The following VTCN1 variants were observed in gnomAD, a reference collection of about 807,000 sequenced individuals.
VTCN1 encodes V-set domain-containing T-cell activation inhibitor 1.
In VTCN1, 26 loss-of-function variants were observed where a neutral mutation model predicts 26.5. The observed-to-expected ratio is 0.98, with a 90% confidence interval of 0.72 to 1.36. The LOEUF is 1.36. Among genes scored for constraint, VTCN1 ranks in the 40% most tolerant of loss-of-function variants. VTCN1 has a pLI of 0.00. For synonymous variants in VTCN1, 116 were observed against 130.7 expected (o/e 0.89, Z 0.77); for missense variants, 298 against 337.7 (o/e 0.88, Z 0.92).
At position 117,155,658 on chromosome 1, in the gene VTCN1, C is replaced by A. The variant is rs776873869; in HGVS notation, c.445+916G>T. Reference sequence around the variant, plus strand: ...AGATTGCTTTGCCCAGGCCACTGTACTTACACAGGTCTGATTCTAGATCTG... The same window carrying A: ...AGATTGCTTTGCCCAGGCCACTGTAATTACACAGGTCTGATTCTAGATCTG... On this transcript the variant is annotated intron_variant, in intron 3 of 5. Transcript: ENST00000369458. This position sits in a 1 kb window ranked among gnomAD's most constrained non-coding sequence, Gnocchi z 4.8. Among the ~76,000 whole-genome samples the A allele has an allele frequency of 3.3e-5, 5 of 152,266 alleles. No homozygotes were observed. The highest frequency in any genetic ancestry group is 5.9e-5 in the Non-Finnish European group (4 of 68,024).
intron 1 of VTCN1, among the ~76,000 whole-genome samples, chr1:117,186,558 G>A (rs1385319083): frequency 6.6e-6 from 1 of 152,216 alleles, no homozygotes; most frequent in Admixed American, 6.5e-5. Flanking sequence ...GGCTTGGAAA[G>A]TGAAATGAAC....
chr1:117,147,806 AGGGT>A lies in VTCN1; in HGVS notation c.725-28_725-25del. 6.2e-7 allele frequency: 1 copy of A among 1,608,880 alleles called. No homozygotes were observed. Among genetic ancestry groups the A allele is most frequent in the South Asian group, 1.1e-5 (1 of 90,072 alleles). ...TTCTGTGAAGTGAGAGAAAAAGTTT[AGGGT>A]CATACAGGAGAAGCTGGATGTCTTC... is the stretch of plus-strand genomic sequence containing the variant. On this transcript the variant is annotated intron_variant, in intron 4 of 5. Transcript: ENST00000369458. This position sits in a 1 kb window ranked among gnomAD's most constrained non-coding sequence, Gnocchi z 4.6.
chr1:117,206,658 A>T (rs1649087011), intron 1 of VTCN1, among the ~76,000 whole-genome samples: 2 of 22,502 alleles, frequency 8.9e-5, no homozygotes, highest in Non-Finnish European at 4.1e-4. Context: ...GCACAGGAAC[A>T]GATATTCATA....
intron 1 of VTCN1, among the ~76,000 whole-genome samples, chr1:117,195,556 G>GA (rs1194341100): frequency 1.3e-5 from 2 of 152,096 alleles, no homozygotes; most frequent in Non-Finnish European, 1.5e-5. Flanking sequence ...CTCAAATATT[G>GA]AAGAAGATGG....
chr1:117,175,945 T>C lies in VTCN1; in HGVS notation c.33-5774A>G, dbSNP rs1007840933. Among the ~76,000 whole-genome samples, 10 of 152,204 alleles carry C rather than the reference T, an allele frequency of 6.6e-5. No individual in the cohort carries two copies. Among genetic ancestry groups the C allele is most frequent in the African/African-American group, 2.4e-4 (10 of 41,526 alleles). On this transcript the variant is annotated intron_variant, in intron 1 of 5. Transcript: ENST00000369458. The surrounding 1 kb of genome is among the most constrained non-coding windows in gnomAD (Gnocchi z 4.2). ...GCCACCACGCCCGGCTAATTTTTTA[T>C]TTTTAGTAGAGACAGGGTTTCACCA...
intron 2 of VTCN1, among the ~76,000 whole-genome samples, chr1:117,166,950 AG>A (rs1331545400): frequency 6.6e-6 from 1 of 151,954 alleles, no homozygotes; most frequent in African/African-American, 2.4e-5. Flanking sequence ...AAAATTAGCC[AG>A]GTGTGGTGGT....
rs758529281 is a variant in VTCN1, at chr1:117,147,818, G to T, written c.725-36C>A. 1 of 1,601,820 alleles carries T rather than the reference G, an allele frequency of 6.2e-7. No individual in the cohort carries two copies. Among genetic ancestry groups the T allele is most frequent in the South Asian group, 1.1e-5 (1 of 88,908 alleles). On this transcript the variant is annotated intron_variant, in intron 4 of 5. Transcript: ENST00000369458. The surrounding 1 kb of genome is among the most constrained non-coding windows in gnomAD (Gnocchi z 4.6). ...AGAGAAAAAGTTTAGGGTCATACAG[G>T]AGAAGCTGGATGTCTTCTTCACATG...
At chr1:117,190,074 C>A (rs1382311674) in intron 1 of VTCN1, among the ~76,000 whole-genome samples, 1 of 152,216 alleles carries the variant, frequency 6.6e-6, no homozygotes, top group Non-Finnish European at 1.5e-5. Context: ...CACACAAGTG[C>A]CTCAGGTAAC....
In VTCN1 at chr1:117,209,135, C is replaced by T. The variant is rs182820080; in HGVS notation, c.32+1689G>A. On this transcript the variant is annotated intron_variant, in intron 1 of 5. Transcript: ENST00000369458. ...AGTCGCTGCTTCTGAAACTGCAGAG[C>T]ATGAATAGCCAACAAGGCATGCAGG... Among the ~76,000 whole-genome samples, 436 of 152,282 alleles carry T rather than the reference C, an allele frequency of 2.9e-3. 3 individuals carry two copies. The highest frequency in any genetic ancestry group is 2.5e-3 in the Non-Finnish European group (168 of 68,022).
intron 2 of VTCN1, 140 bp from the exon 3 acceptor site, chr1:117,157,061 AG>A (rs775145152): frequency 6.9e-7 from 1 of 1,444,332 alleles, no homozygotes; most frequent in South Asian, 1.2e-5. Flanking sequence ...TAAGAAGACA[AG>A]AAGAGAAAGA....
intron 1 of VTCN1, among the ~76,000 whole-genome samples, chr1:117,189,960 T>C (rs1432605018): frequency 6.6e-6 from 1 of 152,098 alleles, no homozygotes; most frequent in Non-Finnish European, 1.5e-5. Context: ...AAGCTACAGA[T>C]CCAGAAATAG....
intron 1 of VTCN1, among the ~76,000 whole-genome samples, chr1:117,194,072 T>C (rs982194519): frequency 6.6e-6 from 1 of 152,056 alleles, no homozygotes; most frequent in Admixed American, 6.5e-5. Context: ...ATCAACAAAA[T>C]GAACAGGCAA....
intron 1 of VTCN1, among the ~76,000 whole-genome samples, chr1:117,189,364 G>A (rs936521583): frequency 6.6e-6 from 1 of 152,196 alleles, no homozygotes; most frequent in South Asian, 2.1e-4. Context: ...TTGTGAGTTG[G>A]AGAATGTGGA....
At chr1:117,196,425 CG>C (rs1277331535) in intron 1 of VTCN1, among the ~76,000 whole-genome samples, 6 of 147,820 alleles carry the variant, frequency 4.1e-5, no homozygotes, top group African/African-American at 1.3e-4. Context: ...GAGAGAGAGA[CG>C]GAAAAAAAAG....
At chr1:117,168,335 T>C (rs1652719738) in intron 2 of VTCN1, among the ~76,000 whole-genome samples, 1 of 152,156 alleles carries the variant, frequency 6.6e-6, no homozygotes, top group Non-Finnish European at 1.5e-5. Context: ...TGTTCAGTAG[T>C]GGTGCTGGGT....
At chr1:117,176,095 T>C (rs989003648) in intron 1 of VTCN1, among the ~76,000 whole-genome samples, 19 of 152,156 alleles carry the variant, frequency 1.2e-4, no homozygotes, top group African/African-American at 4.3e-4. Context: ...TTAAACAACC[T>C]TTCATTTATC....
intron 1 of VTCN1, among the ~76,000 whole-genome samples, chr1:117,174,269 T>C (rs767732880): frequency 5.3e-5 from 8 of 152,154 alleles, no homozygotes; most frequent in Non-Finnish European, 1.2e-4. Context: ...CAAATAAAAA[T>C]CAATGCTTTT....
chr1:117,185,198 T>A (rs1265365172), intron 1 of VTCN1, among the ~76,000 whole-genome samples: 5 of 152,102 alleles, frequency 3.3e-5, no homozygotes. Context: ...CAGTTCCAAG[T>A]GGTCACTTCA....
At chr1:117,172,155 G>C (rs1190614652) in intron 1 of VTCN1, among the ~76,000 whole-genome samples, 3 of 152,204 alleles carry the variant, frequency 2.0e-5, no homozygotes, top group Non-Finnish European at 4.4e-5. Context: ...GAAAGGCACA[G>C]GGAGGCAAAG....
Sources: allele counts gnomAD v4.1 joint callset (sites outside exome capture counted in the v4.1 genomes callset), GRCh38; gene constraint gnomAD v4.1.1; non-coding constraint Gnocchi (gnomAD v3.1); transcripts MANE v1.5; gene names NCBI Gene and HGNC (gene_info 2026-07-23, HGNC 2026-07-21).